Variants in PKIB observed in about 807,000 individuals in gnomAD.
PKIB encodes the protein PKI-beta.
Under a neutral mutation model 4.5 loss-of-function variants are expected in PKIB, and 2 were observed. The observed-to-expected ratio is 0.44, with a 90% confidence interval of 0.18 to 1.39. The LOEUF is 1.39. Ranked by LOEUF, PKIB falls within the 40% of genes most tolerant of loss-of-function variation. The pLI, the probability that PKIB is intolerant of heterozygous loss-of-function variation, is 0.27. For synonymous variants in PKIB, 38 were observed against 36.0 expected, an observed-to-expected ratio of 1.06 and a Z score of -0.20; for missense variants, 94 against 92.6, an observed-to-expected ratio of 1.02 and a Z score of -0.06.
intron 3 of PKIB, among the ~76,000 whole-genome samples, chr6:122,591,231 A>G (rs1003590198): frequency 6.6e-6 from 1 of 151,218 alleles, no homozygotes; most frequent in Non-Finnish European, 1.5e-5. Context: ...CCCCACATAC[A>G]CACACGTTTT....
At chr6:122,685,947 T>C (rs1253290641) in intron 3 of PKIB, among the ~76,000 whole-genome samples, 1 of 152,200 alleles carries the variant, frequency 6.6e-6, no homozygotes, top group Non-Finnish European at 1.5e-5. Flanking sequence ...ATTAACATAA[T>C]GTCTTCCAAT....
At chr6:122,691,460 C>A (rs1404284976) in intron 3 of PKIB, among the ~76,000 whole-genome samples, 1 of 152,098 alleles carries the variant, frequency 6.6e-6, no homozygotes, top group East Asian at 1.9e-4. Context: ...TGTATCAATT[C>A]TGCTATTAAG....
At chr6:122,511,113 A>G (rs758686241) in intron 2 of PKIB, among the ~76,000 whole-genome samples, 3 of 152,096 alleles carry the variant, frequency 2.0e-5, no homozygotes, top group Non-Finnish European at 4.4e-5. Context: ...ACTCAACCTC[A>G]TCATTTGTCT....
chr6:122,606,702 G>T (rs2114749979), upstream of PKIB, among the ~76,000 whole-genome samples: 1 of 152,140 alleles, frequency 6.6e-6, no homozygotes, highest in African/African-American at 2.4e-5. Context: ...AATTCCTTCT[G>T]GTGTAGGTCA....
At chr6:122,709,345 T>G (rs1157904640) in intron 3 of PKIB, among the ~76,000 whole-genome samples, 1 of 152,114 alleles carries the variant, frequency 6.6e-6, no homozygotes, top group Non-Finnish European at 1.5e-5. Context: ...TTAATGCAGT[T>G]AAGTAGTGCC....
At chr6:122,683,040 A>G (rs906053880) in intron 3 of PKIB, among the ~76,000 whole-genome samples, 2 of 152,156 alleles carry the variant, frequency 1.3e-5, no homozygotes, top group Non-Finnish European at 2.9e-5. Context: ...CATCTCCCAC[A>G]GGCAAGGTTG....
chr6:122,477,461 TAATC>T (rs1332219105), intron 1 of PKIB, among the ~76,000 whole-genome samples: 3 of 152,242 alleles, frequency 2.0e-5, no homozygotes, highest in Non-Finnish European at 2.9e-5. Flanking sequence ...TATATTCTGA[TAATC>T]ATTTAGGCTA....
intron 2 of PKIB, among the ~76,000 whole-genome samples, chr6:122,645,286 A>C (rs1008202137): frequency 3.3e-5 from 5 of 152,162 alleles, no homozygotes; most frequent in African/African-American, 1.2e-4. Flanking sequence ...TCAGTATAAG[A>C]GTTGGTGGTA....
intron 1 of PKIB, among the ~76,000 whole-genome samples, chr6:122,613,314 C>T (rs769120663): frequency 3.3e-5 from 5 of 152,104 alleles, no homozygotes; most frequent in Non-Finnish European, 7.4e-5. Flanking sequence ...ATAAACTATA[C>T]GTCTTGTGAA....
intron 3 of PKIB, among the ~76,000 whole-genome samples, chr6:122,713,313 C>T (rs9490533): frequency 4.6e-5 from 7 of 151,884 alleles, no homozygotes; most frequent in African/African-American, 1.7e-4. Flanking sequence ...TGTTAATTCT[C>T]TAGAAGAGAA....
At chr6:122,559,967 A>G (rs1440626655) in intron 2 of PKIB, among the ~76,000 whole-genome samples, 1 of 152,094 alleles carries the variant, frequency 6.6e-6, no homozygotes, top group African/African-American at 2.4e-5. Context: ...TTTCAAGGTA[A>G]ACAATCATAT....
At chr6:122,624,395 T>C (rs763169119) in intron 1 of PKIB, among the ~76,000 whole-genome samples, 28 of 152,202 alleles carry the variant, frequency 1.8e-4, no homozygotes, top group Non-Finnish European at 3.5e-4. Flanking sequence ...GGGGGCATAT[T>C]AGCACTCTTG....
At chr6:122,714,627 G>T (rs1310136359) in intron 3 of PKIB, among the ~76,000 whole-genome samples, 1 of 152,116 alleles carries the variant, frequency 6.6e-6, no homozygotes, top group African/African-American at 2.4e-5. Flanking sequence ...CACTCCAAGG[G>T]CCACTTTTTA....
intron 2 of PKIB, among the ~76,000 whole-genome samples, chr6:122,649,826 G>A (rs980952943): frequency 5.3e-5 from 8 of 152,162 alleles, no homozygotes; most frequent in Non-Finnish European, 1.0e-4. Context: ...TTGGAACAAA[G>A]CCTCAGAGTT....
intron 2 of PKIB, among the ~76,000 whole-genome samples, chr6:122,488,306 C>T (rs953893362): frequency 6.6e-6 from 1 of 152,044 alleles, no homozygotes; most frequent in African/African-American, 2.4e-5. Context: ...AGTTTATAGT[C>T]TATTGTTATA....
chr6:122,658,592 T>C (rs953049656), intron 2 of PKIB, among the ~76,000 whole-genome samples: 4 of 152,192 alleles, frequency 2.6e-5, no homozygotes, highest in African/African-American at 9.6e-5. Context: ...CACAGATCAC[T>C]ATGGAAGTGT....
chr6:122,541,829 G>A (rs569517423), intron 2 of PKIB, among the ~76,000 whole-genome samples: 10 of 151,734 alleles, frequency 6.6e-5, no homozygotes, highest in South Asian at 2.1e-4. Context: ...CCAATCAGAC[G>A]TAGATTTGGT....
intron 4 of PKIB, among the ~76,000 whole-genome samples, chr6:122,718,394 A>T (rs544535781): frequency 2.0e-5 from 3 of 152,310 alleles, no homozygotes; most frequent in Middle Eastern, 3.4e-3. Flanking sequence ...TTTCAAATCT[A>T]GGAAGAAGTT....
At chr6:122,657,595 G>A (rs1348113306) in intron 2 of PKIB, among the ~76,000 whole-genome samples, 2 of 152,176 alleles carry the variant, frequency 1.3e-5, no homozygotes, top group Non-Finnish European at 1.5e-5. Flanking sequence ...TATTGGGATT[G>A]TCTCTAGTTT....
Sources: gnomAD v4.1 joint callset for allele counts (sites outside exome capture counted in the v4.1 genomes callset) on GRCh38, gnomAD v4.1.1 for gene constraint, MANE v1.5 for transcripts, NCBI Gene and HGNC (gene_info 2026-07-23, HGNC 2026-07-21) for gene names.